Variants in ATAD1 observed in about 807,000 individuals in gnomAD.
ATAD1 encodes outer mitochondrial transmembrane helix translocase.
In ATAD1, 18 loss-of-function variants were observed where a neutral mutation model predicts 42.7. The observed-to-expected ratio is 0.42, with a 90% CI of 0.29 to 0.63. The LOEUF (loss-of-function observed/expected upper bound fraction) is 0.63. Among genes scored for constraint, ATAD1 ranks in the 20% least tolerant of loss-of-function variants. The pLI is 0.19. For synonymous variants in ATAD1, 132 were observed against 143.1 expected (o/e 0.92, Z 0.55); for missense variants, 294 against 440.4 (o/e 0.67, Z 2.98).
At chr10:87,794,088 T>C (rs1430927279) in intron 2 of ATAD1, among the ~76,000 whole-genome samples, 2 of 152,104 alleles carry the variant, frequency 1.3e-5, no homozygotes, top group Non-Finnish European at 2.9e-5. Context: ...TATGTGGTAG[T>C]ACACGCCTGT....
chr10:87,769,402 T>G (rs528067076), intron 7 of ATAD1, among the ~76,000 whole-genome samples: 1 of 152,308 alleles, frequency 6.6e-6, no homozygotes, highest in South Asian at 2.1e-4. Context: ...CTTGTCTCAT[T>G]TGCCTGTCAA....
intron 5 of ATAD1, among the ~76,000 whole-genome samples, chr10:87,780,420 TA>T (rs1183322823): frequency 6.6e-6 from 1 of 152,154 alleles, no homozygotes; most frequent in Non-Finnish European, 1.5e-5. Flanking sequence ...GAATGAACCT[TA>T]AACTATGGAC....
intron 6 of ATAD1, among the ~76,000 whole-genome samples, chr10:87,774,248 G>A (rs978997736): frequency 2.6e-5 from 4 of 152,180 alleles, no homozygotes; most frequent in Admixed American, 1.3e-4. Context: ...AGAAGTAAAC[G>A]AATTAAGCTA....
chr10:87,772,792 C>T (rs1855111407), intron 6 of ATAD1, among the ~76,000 whole-genome samples: 1 of 152,012 alleles, frequency 6.6e-6, no homozygotes, highest in South Asian at 2.1e-4. Context: ...CATAAAGAAG[C>T]AAATTCTAAG....
chr10:87,805,125 C>A (rs1856864272), intron 2 of ATAD1, among the ~76,000 whole-genome samples: 1 of 152,198 alleles, frequency 6.6e-6, no homozygotes, highest in Admixed American at 6.5e-5. Flanking sequence ...CTGGTATACT[C>A]AAAGTGTTCT....
At chr10:87,792,430 G>A (rs536817713) in intron 3 of ATAD1, among the ~76,000 whole-genome samples, 14 of 152,224 alleles carry the variant, frequency 9.2e-5, no homozygotes, top group Non-Finnish European at 1.6e-4. Context: ...GGAATCTTGC[G>A]CCTGGCTTCC....
rs1026835347 is a variant in ATAD1, at chr10:87,801,276, GT to G, written c.163-8522del. Among the ~76,000 whole-genome samples the G allele has an allele frequency of 4.5e-4, 68 of 152,236 alleles. 1 individual carries two copies. Among genetic ancestry groups the G allele is most frequent in the Non-Finnish European group, 7.4e-4 (50 of 68,004 alleles). On this transcript the variant is annotated intron_variant, in intron 2 of 9. Coordinates refer to ENST00000680024, the MANE Select transcript of ATAD1 (RefSeq NM_001321967.2). ...ATTTTACAATGACCTGTAGTATGAAGTTTTTTAAACCTTTGATATTTGACAA... is the reference window on the plus strand; with the variant it reads ...ATTTTACAATGACCTGTAGTATGAAGTTTTTAAACCTTTGATATTTGACAA...
At chr10:87,787,802 A>T (rs1204294877) in intron 4 of ATAD1, among the ~76,000 whole-genome samples, 1 of 152,218 alleles carries the variant, frequency 6.6e-6, no homozygotes, top group Non-Finnish European at 1.5e-5. Context: ...ACTTAAATAT[A>T]AAGTACTTGA....
rs1329714121 is a variant in ATAD1, at chr10:87,751,781, A to G, written c.*2906T>C. ...GGTGCTGGAGTTTCAGCCATGCACT[A>G]TATATATTCAGCATATCAGAATTCT... On this transcript the variant is annotated 3_prime_UTR_variant, in exon 10 of 10. Coordinates refer to ENST00000680024, the MANE Select transcript of ATAD1 (RefSeq NM_001321967.2). 1 of 152,210 alleles carries G rather than the reference A, an allele frequency of 6.6e-6. No individual in the cohort carries two copies. Among genetic ancestry groups the G allele is most frequent in the African/African-American group, 2.4e-5 (1 of 41,460 alleles). The allele number at this position is 152,210 out of a possible 1,614,324, so 9.4% of individuals were successfully genotyped here.
At chr10:87,839,191 G>C (rs1589582378) in intron 1 of ATAD1, among the ~76,000 whole-genome samples, 1 of 152,056 alleles carries the variant, frequency 6.6e-6, no homozygotes, top group Admixed American at 6.6e-5. Context: ...ATATATTTTG[G>C]TATGTCTTTT....
chr10:87,800,272 ATT>A (rs1487171353), intron 2 of ATAD1, among the ~76,000 whole-genome samples: 7 of 152,070 alleles, frequency 4.6e-5, no homozygotes, highest in Admixed American at 3.9e-4. Flanking sequence ...ATTATAAGAG[ATT>A]TTAATTTTTT....
At chr10:87,803,250 C>T (rs1285715028) in intron 2 of ATAD1, among the ~76,000 whole-genome samples, 1 of 152,196 alleles carries the variant, frequency 6.6e-6, no homozygotes, top group Non-Finnish European at 1.5e-5. Context: ...AAGGAATAAA[C>T]CATCCTAGCC....
chr10:87,817,877 G>A, intron 1 of ATAD1: 1 of 985,536 alleles, frequency 1.0e-6, no homozygotes, highest in Non-Finnish European at 1.2e-6. Flanking sequence ...CAGTGACCAG[G>A]ATGCCGACAA....
At chr10:87,756,391 A>G (rs1040420826) in intron 9 of ATAD1, among the ~76,000 whole-genome samples, 10 of 152,236 alleles carry the variant, frequency 6.6e-5, no homozygotes, top group African/African-American at 2.2e-4. Context: ...CAACTTCACT[A>G]TACTTTGGAA....
At position 87,752,376 on chromosome 10, in the gene ATAD1, T is replaced by G. The variant is rs1170079012; in HGVS notation, c.*2311A>C. 1 of 152,220 alleles carries G rather than the reference T, an allele frequency of 6.6e-6. No individual in the cohort carries two copies. The highest frequency in any genetic ancestry group is 1.5e-5 in the Non-Finnish European group (1 of 68,034). The allele number at this position is 152,220 out of a possible 1,614,324, so 9.4% of individuals were successfully genotyped here. A position where few individuals can be genotyped will look rare whatever the true frequency, so the allele number is the denominator to read the frequency against. On this transcript the variant is annotated 3_prime_UTR_variant, in exon 10 of 10. Coordinates refer to ENST00000680024, the MANE Select transcript of ATAD1 (RefSeq NM_001321967.2). Reference sequence around the variant, plus strand: ...GAATGAGCCTGGTCAACAGGAAATGTACATCAGTGTGCAAAAGTGACAATA... The same window carrying G: ...GAATGAGCCTGGTCAACAGGAAATGGACATCAGTGTGCAAAAGTGACAATA...
At chr10:87,819,505 A>G (rs1221619356), upstream of ATAD1, among the ~76,000 whole-genome samples, 1 of 152,188 alleles carries the variant, frequency 6.6e-6, no homozygotes, top group African/African-American at 2.4e-5. Context: ...CAAACTTGTA[A>G]TAATGTGGTG....
At chr10:87,817,851 C>G in intron 1 of ATAD1, 2 of 985,516 alleles carry the variant, frequency 2.0e-6, no homozygotes, top group Non-Finnish European at 2.4e-6. Flanking sequence ...TCTTCCGGGA[C>G]GACCTCAAAC....
At position 87,754,518 on chromosome 10, in the gene ATAD1, A is replaced by T. The variant is rs1854134085; in HGVS notation, c.*169T>A. 2.7e-6 allele frequency: 2 copies of T among 741,064 alleles called. No individual in the cohort carries two copies. The highest frequency in any genetic ancestry group is 3.5e-5 in the Admixed American group (1 of 28,308). 45.9% of individuals were successfully genotyped at this position (741,064 alleles called of 1,614,324 possible). A position where few individuals can be genotyped will look rare whatever the true frequency, so the allele number is the denominator to read the frequency against. Reference sequence around the variant, plus strand: ...CTCCTCATGATTTTTGACCAACAGTAATACCACCTATGTAACAACTATATC... The same window carrying T: ...CTCCTCATGATTTTTGACCAACAGTTATACCACCTATGTAACAACTATATC... On this transcript the variant is annotated 3_prime_UTR_variant, in exon 10 of 10. Transcript: ENST00000680024.
chr10:87,755,461 T>G (rs1208717204), intron 9 of ATAD1, among the ~76,000 whole-genome samples: 4 of 152,138 alleles, frequency 2.6e-5, no homozygotes, highest in Non-Finnish European at 5.9e-5. Context: ...AATATGAAAT[T>G]CAGGAAATAT....
Sources: allele counts gnomAD v4.1 joint callset (sites outside exome capture counted in the v4.1 genomes callset), GRCh38; gene constraint gnomAD v4.1.1; transcripts MANE v1.5; gene names NCBI Gene and HGNC (gene_info 2026-07-23, HGNC 2026-07-21).